The following MAP3K21 variants were observed in gnomAD, a reference collection of about 807,000 sequenced individuals.
The protein encoded by MAP3K21 is mitogen-activated protein kinase kinase kinase MLK4.
MAP3K21 carries 63 observed loss-of-function variants against 86.1 expected under a neutral mutation model. The observed-to-expected ratio is 0.73, with a 90% CI of 0.60 to 0.90. The LOEUF is 0.90. Ranked by LOEUF, MAP3K21 falls within the 40% of genes least tolerant of loss-of-function variation. The pLI, the probability that MAP3K21 is intolerant of heterozygous loss-of-function variation, is 0.00. For synonymous variants in MAP3K21, 558 were observed against 564.8 expected, an observed-to-expected ratio of 0.99 and a Z score of 0.17; for missense variants, 1,220 against 1,367.7, an observed-to-expected ratio of 0.89 and a Z score of 1.70.
intron 4 of MAP3K21, among the ~76,000 whole-genome samples, chr1:233,360,977 A>T (rs984724273): frequency 2.0e-5 from 3 of 152,228 alleles, no homozygotes; most frequent in African/African-American, 7.2e-5. Flanking sequence ...AGGGTATTCT[A>T]AGATTAAGTT....
chr1:233,328,303 T>A lies in MAP3K21; in HGVS notation c.275T>A (p.Phe92Tyr). ...CAGGTGCAGCGGCGCCTCGGCATCT[T>A]CCCCGCCAACTACGTGGCTCCCTGC... The part of the protein sequence containing the change: ...AGQVQRRLGI[F>Y]PANYVAPCRP... Residue 92 changes from phenylalanine (F) to tyrosine (Y), a missense_variant, in exon 1 of 10, where the codon TTC (phenylalanine) becomes TAC (tyrosine). Around this residue, in one of 5 missense-constraint regions of MAP3K21, gnomAD observed 369 missense variants for 385.3 expected, o/e 0.96. Transcript: ENST00000366624. The surrounding 1 kb of genome is among the most constrained non-coding windows in gnomAD (Gnocchi z 8.7). The A allele has an allele frequency of 6.7e-7, 1 of 1,485,182 alleles. No homozygotes were observed. 92.0% of individuals were successfully genotyped at this position (1,485,182 alleles called of 1,614,324 possible).
At chr1:233,343,599 T>C (rs900852030) in intron 1 of MAP3K21, among the ~76,000 whole-genome samples, 3 of 152,176 alleles carry the variant, frequency 2.0e-5, no homozygotes, top group Admixed American at 2.0e-4. Flanking sequence ...ATAAAGATTT[T>C]GTGAAAAATT....
intron 1 of MAP3K21, among the ~76,000 whole-genome samples, chr1:233,342,900 T>C (rs889758158): frequency 8.5e-5 from 13 of 152,180 alleles, no homozygotes; most frequent in African/African-American, 3.1e-4. Flanking sequence ...CATGGACATA[T>C]AGCCATCCTA....
intron 2 of MAP3K21, among the ~76,000 whole-genome samples, chr1:233,347,376 C>A (rs1233238931): frequency 6.6e-6 from 1 of 152,164 alleles, no homozygotes; most frequent in South Asian, 2.1e-4. Context: ...GTTATTTTGA[C>A]TTTCCATTCA....
At chr1:233,348,471 G>A (rs1663189824) in intron 2 of MAP3K21, among the ~76,000 whole-genome samples, 1 of 152,198 alleles carries the variant, frequency 6.6e-6, no homozygotes. Context: ...TTGTGAGAAC[G>A]TGTGTTTTCA....
chr1:233,361,152 GAT>G (rs1469707410), intron 4 of MAP3K21, among the ~76,000 whole-genome samples: 1 of 152,144 alleles, frequency 6.6e-6, no homozygotes, highest in Non-Finnish European at 1.5e-5. Context: ...TAAAAATGGG[GAT>G]ATAATTTTAA....
intron 1 of MAP3K21, among the ~76,000 whole-genome samples, chr1:233,343,746 T>C (rs1448481571): frequency 1.3e-5 from 2 of 152,222 alleles, no homozygotes; most frequent in Non-Finnish European, 2.9e-5. Flanking sequence ...AGTGTCTTTA[T>C]GTATGAAGTG....
chr1:233,368,536 TACC>T (rs1211286987), intron 5 of MAP3K21, among the ~76,000 whole-genome samples: 1 of 149,730 alleles, frequency 6.7e-6, no homozygotes, highest in Non-Finnish European at 1.5e-5. Flanking sequence ...ATGCCTGTAG[TACC>T]AGCTACTCAG....
At chr1:233,330,558 A>G (rs1049883500) in intron 1 of MAP3K21, among the ~76,000 whole-genome samples, 7 of 152,140 alleles carry the variant, frequency 4.6e-5, no homozygotes, top group African/African-American at 1.7e-4. Flanking sequence ...GTCTGTTAGG[A>G]GTTTTCTGCA....
intron 5 of MAP3K21, among the ~76,000 whole-genome samples, chr1:233,363,772 T>A (rs1663513987): frequency 6.7e-6 from 1 of 149,570 alleles, no homozygotes; most frequent in Admixed American, 6.7e-5. Flanking sequence ...TTTGGGAGGC[T>A]GAAGTGGACG....
chr1:233,372,268 G>A (rs1316639881), intron 6 of MAP3K21, 108 bp downstream of exon 6: 15 of 1,298,248 alleles, frequency 1.2e-5, no homozygotes, highest in Non-Finnish European at 8.5e-6. Flanking sequence ...GTAGATGAGT[G>A]TAGGACATTT....
Position 233,382,738 on chromosome 1 carries a change from AT to A in MAP3K21, c.*34del, listed in dbSNP as rs1663943136. 7 of 1,587,842 alleles carry A rather than the reference AT, an allele frequency of 4.4e-6. No homozygotes were observed. The highest frequency in any genetic ancestry group is 1.7e-4 in the Middle Eastern group (1 of 5,984). ...CTAAGTGCCTTACTGTTGTTTAAGC[AT>A]TTTTTTAAGGTGAACAAATGAACAC... On this transcript the variant is annotated 3_prime_UTR_variant, in exon 10 of 10. Transcript: ENST00000366624.
chr1:233,339,407 CCTCCTCCTCCTT>C (rs1433267823), intron 1 of MAP3K21, among the ~76,000 whole-genome samples: 505 of 38,402 alleles, frequency 0.013, 5 homozygotes, highest in Middle Eastern at 0.061. Context: ...TTCTCCTCCT[CCTCCTCCTCCTT>C]CTCCTCCTCC....
chr1:233,337,780 T>C (rs770111296), intron 1 of MAP3K21, among the ~76,000 whole-genome samples: 5 of 152,254 alleles, frequency 3.3e-5, no homozygotes, highest in Non-Finnish European at 5.9e-5. Context: ...ATTGCTCTTG[T>C]AACTGTTTCA....
chr1:233,382,187 A>T, intron 9 of MAP3K21, 118 bp from the exon 10 acceptor site: 1 of 890,024 alleles, frequency 1.1e-6, no homozygotes, highest in Non-Finnish European at 1.7e-6. Flanking sequence ...TTTTTTGTTG[A>T]AGCTCATTTT....
At chr1:233,354,186 A>G (rs1380233187) in intron 3 of MAP3K21, among the ~76,000 whole-genome samples, 2 of 152,186 alleles carry the variant, frequency 1.3e-5, no homozygotes, top group African/African-American at 4.8e-5. Context: ...TTATTTATGT[A>G]TAAAACTCAA....
rs1032931737 is a variant in MAP3K21 at position 233,382,977 on chromosome 1, G to A, written c.*266G>A. The A allele has an allele frequency of 2.5e-5, 8 of 320,482 alleles. No homozygotes were observed. The highest frequency in any genetic ancestry group is 1.2e-4 in the East Asian group (2 of 17,230). The allele number at this position is 320,482 out of a possible 1,614,324, so 19.9% of individuals were successfully genotyped here. ...GCACCAATGAAAACTATGCTGGGTCGAATTACCTTCAGCACAATGTTAATG... is the reference window on the plus strand; with the variant it reads ...GCACCAATGAAAACTATGCTGGGTCAAATTACCTTCAGCACAATGTTAATG... On this transcript the variant is annotated 3_prime_UTR_variant, in exon 10 of 10. Coordinates refer to ENST00000366624, the MANE Select transcript of MAP3K21 (RefSeq NM_032435.3).
chr1:233,344,430 A>G (rs1198952407), intron 1 of MAP3K21, among the ~76,000 whole-genome samples: 1 of 152,210 alleles, frequency 6.6e-6, no homozygotes, highest in Non-Finnish European at 1.5e-5. Flanking sequence ...AACACCACAC[A>G]TCTACAACCA....
chr1:233,381,751 G>T (rs1332591887), intron 9 of MAP3K21, among the ~76,000 whole-genome samples: 4 of 152,138 alleles, frequency 2.6e-5, no homozygotes, highest in African/African-American at 7.2e-5. Context: ...TGCTAAAGTG[G>T]TAATAACATT....
Sources: allele counts gnomAD v4.1 joint callset (sites outside exome capture counted in the v4.1 genomes callset), GRCh38; gene constraint gnomAD v4.1.1; regional missense constraint gnomAD v4.1.1; non-coding constraint Gnocchi (gnomAD v3.1); transcripts MANE v1.5; gene names NCBI Gene and HGNC (gene_info 2026-07-23, HGNC 2026-07-21).